Variants in MYPN observed in about 807,000 individuals in gnomAD.
MYPN encodes sarcomeric protein myopalladin, 145 kDa (MYOP).
MYPN carries 63 observed loss-of-function variants against 129.4 expected under a neutral mutation model. That is an observed-to-expected ratio of 0.49 (90% CI 0.40 to 0.60). The LOEUF (loss-of-function observed/expected upper bound fraction) is 0.60, where lower values mean the gene tolerates loss of function less well. Ranked by LOEUF, MYPN falls within the 20% of genes least tolerant of loss-of-function variation. The pLI is 0.00. For missense variants in MYPN, 1,596 were observed against 1,635.4 expected (o/e 0.98, Z 0.42); for synonymous variants, 629 against 600.9 (o/e 1.05, Z -0.68).
At chr10:68,115,914 A>G (rs953118579) in intron 1 of MYPN, among the ~76,000 whole-genome samples, 1 of 152,100 alleles carries the variant, frequency 6.6e-6, no homozygotes, top group Non-Finnish European at 1.5e-5. Context: ...TTTTTACCAG[A>G]TGGTCACATG....
Position 68,211,253 on chromosome 10 carries a change from G to A in MYPN, c.*798G>A, listed in dbSNP as rs1254971702. ...CCAATCAGAAAGAAATCCTCTGTGG[G>A]GTCACTTTAAAAACTACTAGCTTCA... On this transcript the variant is annotated 3_prime_UTR_variant, in exon 20 of 20. Transcript: ENST00000358913. The A allele has an allele frequency of 1.8e-5, 8 of 453,806 alleles. No homozygotes were observed. The highest frequency in any genetic ancestry group is 2.6e-5 in the Non-Finnish European group (6 of 226,752). The allele number at this position is 453,806 out of a possible 1,614,324, so 28.1% of individuals were successfully genotyped here.
At chr10:68,144,940 G>T (rs2042637183) in intron 3 of MYPN, among the ~76,000 whole-genome samples, 1 of 152,094 alleles carries the variant, frequency 6.6e-6, no homozygotes, top group African/African-American at 2.4e-5. Flanking sequence ...CTAGACATGT[G>T]ACCTTGAGCA....
At chr10:68,164,428 A>G (rs978968890) in intron 8 of MYPN, among the ~76,000 whole-genome samples, 2 of 152,168 alleles carry the variant, frequency 1.3e-5, no homozygotes, top group Non-Finnish European at 2.9e-5. Context: ...GCACTGAAGC[A>G]TTGGGGATTG....
chr10:68,158,437 C>G (rs1188095062), intron 6 of MYPN, 49 bp from the exon 7 acceptor site: 1 of 1,580,034 alleles, frequency 6.3e-7, no homozygotes, highest in Admixed American at 1.7e-5. Flanking sequence ...AACTAGATTA[C>G]AAAAATGTGT....
upstream of MYPN, among the ~76,000 whole-genome samples, chr10:68,105,384 T>C (rs929915587): frequency 4.6e-5 from 7 of 152,352 alleles, no homozygotes; most frequent in African/African-American, 1.4e-4. Context: ...AACTTATTAC[T>C]ACCAAGACTA....
At chr10:68,171,407 G>A (rs2043143156) in intron 10 of MYPN, among the ~76,000 whole-genome samples, 1 of 152,108 alleles carries the variant, frequency 6.6e-6, no homozygotes, top group Non-Finnish European at 1.5e-5. Flanking sequence ...CGCTGCATCA[G>A]CATCACCTGG....
At chr10:68,106,822 G>C (rs1055673117), upstream of MYPN, 3 of 716,768 alleles carry the variant, frequency 4.2e-6, no homozygotes, top group Admixed American at 2.0e-5. Flanking sequence ...TGTTTCTGTG[G>C]CTGACTGACT....
intron 1 of MYPN, among the ~76,000 whole-genome samples, chr10:68,093,537 G>A (rs1257791312): frequency 1.4e-5 from 2 of 142,992 alleles, no homozygotes; most frequent in Admixed American, 7.2e-5. Flanking sequence ...AGCAGATCGA[G>A]ACCATCCCGG....
intron 1 of MYPN, among the ~76,000 whole-genome samples, chr10:68,112,994 T>C (rs75273688): frequency 0.024 from 3,645 of 152,294 alleles, 156 homozygotes; most frequent in African/African-American, 0.083. Context: ...CTGACTTAGA[T>C]ACTTCTCTAG....
In MYPN at chr10:68,199,454, G is replaced by A; in HGVS notation, c.3372G>A (p.Arg1124=). The change falls in exon 17 of 20, where the codon AGG becomes AGA. Residue 1124 remains arginine (R), a synonymous_variant. Coordinates refer to ENST00000358913, the MANE Select transcript of MYPN (RefSeq NM_032578.4). The stretch of plus-strand genomic sequence containing the variant: ...ATGCCTCCCACAAGATGCTGGTCAG[G>A]GAGACCGGAGTCCACTCTCTGCTCA... ...LPDASHKMLV[R]ETGVHSLLID... is the part of the protein sequence containing the mutation. 1 of 1,614,164 alleles carries A rather than the reference G, an allele frequency of 6.2e-7. No homozygotes were observed. Among genetic ancestry groups the A allele is most frequent in the Non-Finnish European group, 8.5e-7 (1 of 1,180,024 alleles).
intron 12 of MYPN, among the ~76,000 whole-genome samples, chr10:68,181,299 T>TC: frequency 6.7e-6 from 1 of 148,304 alleles, no homozygotes; most frequent in African/African-American, 2.5e-5. Flanking sequence ...TTAATTTTAA[T>TC]TTTTTTTTTT....
chr10:68,181,446 T>A (rs1419289321), intron 12 of MYPN, among the ~76,000 whole-genome samples: 6 of 152,124 alleles, frequency 3.9e-5, no homozygotes, highest in African/African-American at 1.4e-4. Flanking sequence ...CTCGCCACCA[T>A]GCCTGGCTAA....
chr10:68,160,992 G>A (rs1342014844), intron 7 of MYPN, among the ~76,000 whole-genome samples: 1 of 152,130 alleles, frequency 6.6e-6, no homozygotes, highest in Non-Finnish European at 1.5e-5. Flanking sequence ...CAGAGCAGGA[G>A]GTATAGTGTA....
In MYPN at chr10:68,143,020, T is replaced by C; in HGVS notation, c.983T>C (p.Ile328Thr). 1 of 1,614,158 alleles carries C rather than the reference T, an allele frequency of 6.2e-7. No homozygotes were observed. Among genetic ancestry groups the C allele is most frequent in the Non-Finnish European group, 8.5e-7 (1 of 1,180,016 alleles). The part of the protein sequence containing the change: ...VQAGNLHSLT[I>T]AEAFEEDTGR... ...GCAGGAAATCTGCACTCACTGACCA[T>C]TGCGGAAGCCTTTGAAGAGGACACA... The change falls in exon 3 of 20, where the codon ATT becomes ACT. Residue 328 changes from isoleucine (I) to threonine (T), a missense_variant. Physicochemically the swap from Ile to Thr is moderately conservative, Grantham distance 89 (BLOSUM62 -1). Transcript: ENST00000358913.
At chr10:68,120,208 TGA>T (rs145601750) in intron 1 of MYPN, among the ~76,000 whole-genome samples, 101 of 152,186 alleles carry the variant, frequency 6.6e-4, no homozygotes, top group African/African-American at 2.2e-3. Flanking sequence ...CTTTTAAGGA[TGA>T]GAGAGAGTAG....
rs2043910092 is a variant in MYPN, at chr10:68,211,254, G to C, written c.*799G>C. 2.2e-6 allele frequency: 1 copy of C among 453,922 alleles called. No individual in the cohort carries two copies. The highest frequency in any genetic ancestry group is 4.4e-6 in the Non-Finnish European group (1 of 226,784). 28.1% of individuals were successfully genotyped at this position (453,922 alleles called of 1,614,324 possible). A position where few individuals can be genotyped will look rare whatever the true frequency, so the allele number is the denominator to read the frequency against. On this transcript the variant is annotated 3_prime_UTR_variant, in exon 20 of 20. Coordinates refer to ENST00000358913, the MANE Select transcript of MYPN (RefSeq NM_032578.4). ...CAATCAGAAAGAAATCCTCTGTGGG[G>C]TCACTTTAAAAACTACTAGCTTCAA...
intron 1 of MYPN, among the ~76,000 whole-genome samples, chr10:68,092,823 C>T (rs2041937208): frequency 1.3e-5 from 2 of 152,162 alleles, no homozygotes; most frequent in African/African-American, 2.4e-5. Context: ...CAGTTTTCCT[C>T]ATTTTTCGTT....
chr10:68,092,223 G>T (rs1400286753), intron 1 of MYPN, among the ~76,000 whole-genome samples: 2 of 152,174 alleles, frequency 1.3e-5, no homozygotes, highest in African/African-American at 4.8e-5. Context: ...GGGTGCAGTG[G>T]CTCACACCTG....
intron 15 of MYPN, 50 bp from the exon 16 acceptor site, chr10:68,197,302 T>C (rs750833366): frequency 7.5e-6 from 12 of 1,603,838 alleles, no homozygotes; most frequent in Non-Finnish European, 1.0e-5. Context: ...TTATCATAAG[T>C]TTGTAAATTT....
Sources: allele counts gnomAD v4.1 joint callset (sites outside exome capture counted in the v4.1 genomes callset), GRCh38; gene constraint gnomAD v4.1.1; transcripts MANE v1.5; gene names NCBI Gene and HGNC (gene_info 2026-07-23, HGNC 2026-07-21).